NUP50: variants seen among roughly 807,000 people sequenced by gnomAD.
NUP50 encodes the protein nuclear pore complex protein Nup50.
A neutral mutation model predicts 36.8 loss-of-function variants in NUP50; 14 were observed. The ratio of observed to expected loss-of-function variants is 0.38; its 90% CI spans 0.25 to 0.59. The LOEUF is 0.59. NUP50 is among the 20% of genes least tolerant of loss of function. NUP50 has a pLI of 0.63. For synonymous variants in NUP50, 195 were observed against 210.8 expected, an observed-to-expected ratio of 0.93 and a Z score of 0.65; for missense variants, 455 against 564.6, an observed-to-expected ratio of 0.81 and a Z score of 1.97.
Position 45,183,694 on chromosome 22 carries a change from CATAA to C in NUP50, c.1204+177_1204+180del, listed in dbSNP as rs533961795. On this transcript the variant is annotated intron_variant, in intron 7 of 7. Transcript: ENST00000347635. ...CCCAGGATAATAGTGTGTAAGGAAA[CATAA>C]ATGTGTTAGAAGCTGTAAACAAAAT... 255 of 561,012 alleles carry C rather than the reference CATAA, an allele frequency of 4.5e-4. 2 individuals carry two copies. The South Asian group carries it at 5.4e-3, about 12-fold the overall frequency. The allele number at this position is 561,012 out of a possible 1,614,324, so 34.8% of individuals were successfully genotyped here. A position where few individuals can be genotyped will look rare whatever the true frequency, so the allele number is the denominator to read the frequency against.
At chr22:45,171,285 C>G (rs1205647237) in intron 2 of NUP50, 3 of 730,918 alleles carry the variant, frequency 4.1e-6, no homozygotes, top group Non-Finnish European at 5.6e-6. Context: ...CAACCTCCAC[C>G]TCCCGGAGGG....
chr22:45,175,476 G>C (rs890813819), intron 3 of NUP50, among the ~76,000 whole-genome samples: 1 of 152,178 alleles, frequency 6.6e-6, no homozygotes, highest in African/African-American at 2.4e-5. Flanking sequence ...AACCTACCTT[G>C]ATGTTTTTAT....
Position 45,176,135 on chromosome 22 carries a change from C to T in NUP50, c.340+55C>T, listed in dbSNP as rs114636963. ...TGTAAGTATCATCTATGGAAAATAG[C>T]TTTACAAAGATGTTTTTCTTATAGC... On this transcript the variant is annotated intron_variant, in intron 4 of 7. Transcript: ENST00000347635. 1.5e-3 allele frequency: 2,309 copies of T among 1,551,730 alleles called. 33 individuals are homozygous for T. In the African/African-American group the frequency reaches 0.027, roughly 18 times the overall value.
intron 2 of NUP50, chr22:45,171,176 G>A (rs1425242169): frequency 4.5e-6 from 5 of 1,115,658 alleles, no homozygotes; most frequent in Non-Finnish European, 2.2e-6. Flanking sequence ...TAAAAATCAT[G>A]TGTATGTTAT....
chr22:45,179,883 A>G (rs1396678657), intron 5 of NUP50, among the ~76,000 whole-genome samples: 1 of 152,220 alleles, frequency 6.6e-6, no homozygotes, highest in East Asian at 1.9e-4. Flanking sequence ...TTGCCTCAAC[A>G]AAAGAAAAAG....
chr22:45,184,342 T>TG, intron 7 of NUP50, 111 bp from the exon 8 acceptor site: 2 of 997,682 alleles, frequency 2.0e-6, no homozygotes, highest in Admixed American at 2.3e-5. Context: ...GTTGGCTCCC[T>TG]GTCTTAGATG....
intron 3 of NUP50, among the ~76,000 whole-genome samples, chr22:45,172,896 T>C (rs1471539375): frequency 1.3e-5 from 2 of 152,232 alleles, no homozygotes; most frequent in Non-Finnish European, 2.9e-5. Context: ...AATATATTAC[T>C]GTATATACCA....
intron 4 of NUP50, among the ~76,000 whole-genome samples, chr22:45,176,572 A>G (rs961810958): frequency 6.6e-5 from 10 of 152,196 alleles, no homozygotes; most frequent in Middle Eastern, 3.2e-3. Context: ...GAGTCAGTCA[A>G]AAACTCTTGG....
chr22:45,175,715 C>T, intron 3 of NUP50, 179 bp from the exon 4 acceptor site: 1 of 546,678 alleles, frequency 1.8e-6, no homozygotes, highest in African/African-American at 1.9e-5. Flanking sequence ...CAAAGCTGTT[C>T]TTATGAATAC....
rs1035887960 is a variant in NUP50 at position 45,183,396 on chromosome 22, C to T, written c.1086-6C>T. On this transcript the variant is annotated splice_region_variant and splice_polypyrimidine_tract_variant and intron_variant, in intron 6 of 7. Transcript: ENST00000347635. ...GCTTGATGGTCCCTATTATTTTTCT[C>T]CATAGGTGTAAACTGTTTTACAAGA... 4 of 1,532,796 alleles carry T rather than the reference C, an allele frequency of 2.6e-6. No individual in the cohort carries two copies. The highest frequency in any genetic ancestry group is 3.6e-6 in the Non-Finnish European group (4 of 1,109,024). The allele number at this position is 1,532,796 out of a possible 1,614,324, so 94.9% of individuals were successfully genotyped here.
rs370149184 is a variant in NUP50, at chr22:45,186,922, C to A, written c.*2267C>A. On this transcript the variant is annotated 3_prime_UTR_variant, in exon 8 of 8. Coordinates refer to ENST00000347635, the MANE Select transcript of NUP50 (RefSeq NM_007172.4). The stretch of plus-strand genomic sequence containing the variant: ...CTTGTCTTTTACTTGGGGCACGGGG[C>A]CCCTGGAGGGCTTCCCTACTTTCCC... 4 of 152,374 alleles carry A rather than the reference C, an allele frequency of 2.6e-5. No individual in the cohort carries two copies. The highest frequency in any genetic ancestry group is 9.6e-5 in the African/African-American group (4 of 41,584). 9.4% of individuals were successfully genotyped at this position (152,374 alleles called of 1,614,324 possible). A position where few individuals can be genotyped will look rare whatever the true frequency, so the allele number is the denominator to read the frequency against.
chr22:45,180,763 C>T (rs567430854), intron 5 of NUP50, among the ~76,000 whole-genome samples: 1 of 152,140 alleles, frequency 6.6e-6, no homozygotes, highest in East Asian at 1.9e-4. Flanking sequence ...AGAGCAGTGA[C>T]CCATGTGGCA....
chr22:45,168,200 A>G lies in NUP50; in HGVS notation c.23A>G (p.Lys8Arg). Residue 8 changes from lysine (K) to arginine (R), a missense_variant, in exon 2 of 8, where the codon AAG (lysine) becomes AGG (arginine). Lys to Arg is a conservative substitution (Grantham distance 26). Coordinates refer to ENST00000347635, the MANE Select transcript of NUP50 (RefSeq NM_007172.4). ...AACATGGCCAAAAGAAATGCCGAGA[A>G]GGAACTGACAGATAGGAATTGGGAT... MAKRNAE[K>R]ELTDRNWDQE... The G allele has an allele frequency of 6.2e-7, 1 of 1,611,976 alleles. No individual in the cohort carries two copies. Among genetic ancestry groups the G allele is most frequent in the East Asian group, 2.2e-5 (1 of 44,828 alleles).
intron 3 of NUP50, among the ~76,000 whole-genome samples, chr22:45,175,390 C>T (rs7287382): frequency 0.024 from 3,706 of 152,296 alleles, 131 homozygotes; most frequent in African/African-American, 0.083. Context: ...GAGACTCGAT[C>T]ATCTAAGTTT....
rs1298533198 is a variant in NUP50, at chr22:45,186,593, A to G, written c.*1938A>G. On this transcript the variant is annotated 3_prime_UTR_variant, in exon 8 of 8. Transcript: ENST00000347635. ...GTATGGAAAGTTGACAAAAAATGGC[A>G]TGAAAAGATCATGATTGGATTTTCT... is the stretch of plus-strand genomic sequence containing the variant. The G allele has an allele frequency of 6.6e-6, 1 of 152,644 alleles. No individual in the cohort carries two copies. Among genetic ancestry groups the G allele is most frequent in the Non-Finnish European group, 1.5e-5 (1 of 68,028 alleles). The allele number at this position is 152,644 out of a possible 1,614,324, so 9.5% of individuals were successfully genotyped here. A position where few individuals can be genotyped will look rare whatever the true frequency, so the allele number is the denominator to read the frequency against.
intron 2 of NUP50, among the ~76,000 whole-genome samples, chr22:45,171,391 G>T (rs929312099): frequency 3.0e-4 from 46 of 152,152 alleles, no homozygotes; most frequent in African/African-American, 9.7e-4. Flanking sequence ...TAGCGACAGA[G>T]TTTCACCATG....
At chr22:45,171,108 A>G (rs536093312) in intron 2 of NUP50, 7 of 1,289,232 alleles carry the variant, frequency 5.4e-6, no homozygotes, top group Middle Eastern at 2.2e-4. Flanking sequence ...TTGTCCAGCA[A>G]GGTCCTAGGT....
At chr22:45,173,682 A>C (rs1310317651) in intron 3 of NUP50, among the ~76,000 whole-genome samples, 1 of 152,160 alleles carries the variant, frequency 6.6e-6, no homozygotes, top group Non-Finnish European at 1.5e-5. Flanking sequence ...AGGAGTGAGA[A>C]ACAAAGCTCA....
At chr22:45,165,757 A>G (rs951152845) in intron 1 of NUP50, 13 of 152,252 alleles carry the variant, frequency 8.5e-5, no homozygotes, top group Non-Finnish European at 1.6e-4. Flanking sequence ...CTTTGCTTCT[A>G]ATAAAACTTG....
Sources: allele counts gnomAD v4.1 joint callset (sites outside exome capture counted in the v4.1 genomes callset), GRCh38; gene constraint gnomAD v4.1.1; transcripts MANE v1.5; gene names NCBI Gene and HGNC (gene_info 2026-07-23, HGNC 2026-07-21).